ELP3: variants seen among roughly 807,000 people sequenced by gnomAD.
The protein encoded by ELP3 is elongator complex protein 3.
A neutral mutation model predicts 74.9 loss-of-function variants in ELP3; 56 were observed. The observed-to-expected ratio is 0.75, with a 90% CI of 0.60 to 0.93. The LOEUF is 0.93. ELP3 is among the 40% of genes least tolerant of loss of function. The pLI, the probability that ELP3 is intolerant of heterozygous loss-of-function variation, is 0.00. For missense variants in ELP3, 573 were observed against 686.5 expected, an observed-to-expected ratio of 0.83 and a Z score of 1.85; for synonymous variants, 222 against 239.8, an observed-to-expected ratio of 0.93 and a Z score of 0.68.
chr8:28,107,987 T>C lies in ELP3; in HGVS notation c.393+11T>C, dbSNP rs548224424. ...TACACTGGCTATGAGGTACAGTAAC[T>C]TTGAGGCTGTCCTGATGAAATGTTG... is the stretch of plus-strand genomic sequence containing the variant. On this transcript the variant is annotated intron_variant, in intron 5 of 14. Transcript: ENST00000256398. 1.2e-6 allele frequency: 2 copies of C among 1,609,980 alleles called. No homozygotes were observed. The highest frequency in any genetic ancestry group is 1.7e-6 in the Non-Finnish European group (2 of 1,176,554).
intron 10 of ELP3, among the ~76,000 whole-genome samples, chr8:28,140,539 C>T (rs1450092348): frequency 6.6e-6 from 1 of 152,182 alleles, no homozygotes; most frequent in East Asian, 1.9e-4. Flanking sequence ...CCAATACTGG[C>T]ATTTTCACAG....
At chr8:28,160,186 C>A in intron 12 of ELP3, 43 bp from the exon 13 acceptor site, 1 of 1,561,304 alleles carries the variant, frequency 6.4e-7, no homozygotes, top group Non-Finnish European at 8.7e-7. Flanking sequence ...GAATTTGGTT[C>A]TTTAATTTTG....
At chr8:28,150,599 T>C (rs1405689888) in intron 10 of ELP3, among the ~76,000 whole-genome samples, 1 of 152,170 alleles carries the variant, frequency 6.6e-6, no homozygotes. Flanking sequence ...TATTTTTCTC[T>C]ATACGTAAGG....
chr8:28,101,990 C>T (rs1811508604), intron 3 of ELP3, among the ~76,000 whole-genome samples: 1 of 152,146 alleles, frequency 6.6e-6, no homozygotes, highest in Admixed American at 6.5e-5. Context: ...TCTGTGATAC[C>T]ACCCTCTCTG....
chr8:28,175,510 A>G (rs1313737370), intron 14 of ELP3, among the ~76,000 whole-genome samples: 1 of 152,190 alleles, frequency 6.6e-6, no homozygotes, highest in Middle Eastern at 3.2e-3. Flanking sequence ...CCTTTTTGAT[A>G]GTATCCCCTT....
intron 14 of ELP3, among the ~76,000 whole-genome samples, chr8:28,167,933 A>G (rs1479576984): frequency 1.3e-5 from 2 of 152,228 alleles, no homozygotes; most frequent in African/African-American, 4.8e-5. Context: ...CAATTTCAAC[A>G]TCATTATTAA....
At chr8:28,186,486 C>G (rs997499541) in intron 14 of ELP3, among the ~76,000 whole-genome samples, 8 of 152,202 alleles carry the variant, frequency 5.3e-5, no homozygotes, top group African/African-American at 1.9e-4. Flanking sequence ...ACAACTGCCC[C>G]CGTCCGAAAT....
chr8:28,165,140 T>C lies in ELP3; in HGVS notation c.1567+3062T>C, dbSNP rs560776257. ...CTAGGATAATTTTACTTACTCTCCA[T>C]GGGCCTTTATTTCCGTATTTTAAAA... On this transcript the variant is annotated intron_variant, in intron 14 of 14. Transcript: ENST00000256398. Among the ~76,000 whole-genome samples, 8 of 152,152 alleles carry C rather than the reference T, an allele frequency of 5.3e-5. No individual in the cohort carries two copies. The South Asian group carries it at 1.2e-3, about 24-fold the overall frequency.
At chr8:28,174,405 CACTCT>C (rs1175711121) in intron 14 of ELP3, among the ~76,000 whole-genome samples, 1 of 152,024 alleles carries the variant, frequency 6.6e-6, no homozygotes, top group Non-Finnish European at 1.5e-5. Flanking sequence ...ATAATATAAT[CACTCT>C]ATGACTCTTT....
chr8:28,125,660 G>A (rs1398090322), intron 7 of ELP3, among the ~76,000 whole-genome samples: 2 of 151,574 alleles, frequency 1.3e-5, no homozygotes, highest in African/African-American at 2.4e-5. Context: ...TCAAAAGGTC[G>A]CTTTCTTCTT....
rs1036162847 is a variant in ELP3 at position 28,137,569 on chromosome 8, C to T, written c.907-129C>T. On this transcript the variant is annotated intron_variant, in intron 9 of 14. Transcript: ENST00000256398. ...GTTTCTGTTCTGTCTGTACGCCCTA[C>T]CTGGTCAGAAGCAAAGGCTGCCCCA... 6 of 804,916 alleles carry T rather than the reference C, an allele frequency of 7.5e-6. No homozygotes were observed. The African/African-American group carries it at 8.7e-5, about 12-fold the overall frequency. The allele number at this position is 804,916 out of a possible 1,614,324, so 49.9% of individuals were successfully genotyped here.
At chr8:28,140,675 C>A (rs1397827027) in intron 10 of ELP3, among the ~76,000 whole-genome samples, 1 of 152,168 alleles carries the variant, frequency 6.6e-6, no homozygotes, top group African/African-American at 2.4e-5. Context: ...GTCCTTCTTG[C>A]AGTCTGTTTC....
chr8:28,183,900 A>G (rs1815123831), intron 14 of ELP3, among the ~76,000 whole-genome samples: 1 of 152,192 alleles, frequency 6.6e-6, no homozygotes, highest in Non-Finnish European at 1.5e-5. Flanking sequence ...GAGGCAGAGC[A>G]GTTAGGCTGA....
chr8:28,134,960 G>A (rs894019364), intron 9 of ELP3, among the ~76,000 whole-genome samples: 9 of 149,558 alleles, frequency 6.0e-5, no homozygotes, highest in Admixed American at 2.0e-4. Flanking sequence ...ACGGAGTCTC[G>A]CACTGTCATT....
chr8:28,179,193 G>GC (rs1174203014), intron 14 of ELP3, among the ~76,000 whole-genome samples: 5 of 152,254 alleles, frequency 3.3e-5, no homozygotes, highest in Admixed American at 2.6e-4. Flanking sequence ...CCTGGAACCA[G>GC]CCCCCCACAT....
intron 3 of ELP3, among the ~76,000 whole-genome samples, chr8:28,101,750 C>A (rs1811498171): frequency 2.6e-5 from 4 of 152,010 alleles, no homozygotes; most frequent in Non-Finnish European, 5.9e-5. Context: ...CCACAATGCC[C>A]AGCTAATTTT....
At chr8:28,187,379 C>T (rs964488903) in intron 14 of ELP3, among the ~76,000 whole-genome samples, 1 of 152,208 alleles carries the variant, frequency 6.6e-6, no homozygotes, top group Non-Finnish European at 1.5e-5. Flanking sequence ...GTACTGGCAG[C>T]TCTACAGTGA....
intron 7 of ELP3, among the ~76,000 whole-genome samples, chr8:28,114,112 C>T (rs965208455): frequency 5.9e-5 from 9 of 151,598 alleles, no homozygotes; most frequent in Admixed American, 5.3e-4. Flanking sequence ...TTACTATTTT[C>T]CTTATTTAAC....
intron 3 of ELP3, among the ~76,000 whole-genome samples, chr8:28,104,821 C>T (rs1359256460): frequency 6.6e-6 from 1 of 152,156 alleles, no homozygotes; most frequent in African/African-American, 2.4e-5. Context: ...TTATTTTTTT[C>T]CACTTTGTAT....
Sources: allele counts gnomAD v4.1 joint callset (sites outside exome capture counted in the v4.1 genomes callset), GRCh38; gene constraint gnomAD v4.1.1; transcripts MANE v1.5; gene names NCBI Gene and HGNC (gene_info 2026-07-23, HGNC 2026-07-21).